ANK2: variants seen among roughly 807,000 people sequenced by gnomAD.
The protein encoded by ANK2 is ankyrin 2.
In ANK2, 83 loss-of-function variants were observed where a neutral mutation model predicts 360.5. That is an observed-to-expected ratio of 0.23 (90% CI 0.19 to 0.28). The LOEUF (loss-of-function observed/expected upper bound fraction) is 0.28, where lower values mean the gene tolerates loss of function less well. Among genes scored for constraint, ANK2 ranks in the 10% least tolerant of loss-of-function variants. The pLI is 1.00. For missense variants in ANK2, 4,201 were observed against 4,795.7 expected, an observed-to-expected ratio of 0.88 and a Z score of 3.66; for synonymous variants, 1,740 against 1,759.5, an observed-to-expected ratio of 0.99 and a Z score of 0.28.
chr4:113,098,339 C>A (rs2092063592), intron 1 of ANK2, among the ~76,000 whole-genome samples: 1 of 151,774 alleles, frequency 6.6e-6, no homozygotes, highest in Non-Finnish European at 1.5e-5. Flanking sequence ...AGAAAGAAAA[C>A]ACAAATTCCT....
chr4:113,098,311 A>G (rs2092054498), intron 1 of ANK2, among the ~76,000 whole-genome samples: 1 of 152,030 alleles, frequency 6.6e-6, no homozygotes, highest in Non-Finnish European at 1.5e-5. Context: ...AATTTTAGTC[A>G]AACTAACAAA....
At position 113,293,384 on chromosome 4, in the gene ANK2, T is replaced by C; in HGVS notation, c.2377-56T>C. The C allele has an allele frequency of 4.0e-6, 6 of 1,492,728 alleles. No individual in the cohort carries two copies. In the South Asian group the frequency reaches 7.0e-5, roughly 17 times the overall value. The allele number at this position is 1,492,728 out of a possible 1,614,324, so 92.5% of individuals were successfully genotyped here. On this transcript the variant is annotated intron_variant, in intron 21 of 45. Coordinates refer to ENST00000357077, the MANE Select transcript of ANK2 (RefSeq NM_001148.6). ...CAGAGCAGCGGGTGAGCTCATTGGC[T>C]CACATCGCAGTCCTCTCTCTTATTT...
chr4:113,302,170 A>T (rs1056706582), intron 22 of ANK2, among the ~76,000 whole-genome samples: 2 of 152,210 alleles, frequency 1.3e-5, no homozygotes, highest in Non-Finnish European at 2.9e-5. Flanking sequence ...TACACTGTAC[A>T]TGAGGAATGA....
chr4:113,179,025 G>A (rs2153232885), intron 2 of ANK2, among the ~76,000 whole-genome samples: 1 of 152,162 alleles, frequency 6.6e-6, no homozygotes, highest in Middle Eastern at 3.4e-3. Flanking sequence ...TTCATAGGTG[G>A]TTACAGGATC....
chr4:112,993,853 C>G, intron 2 of ANK2, among the ~76,000 whole-genome samples: 1 of 152,002 alleles, frequency 6.6e-6, no homozygotes, highest in East Asian at 1.9e-4. Flanking sequence ...ATTACAGGCA[C>G]GCACCACCAT....
chr4:112,946,892 C>T (rs35253125), intron 2 of ANK2, among the ~76,000 whole-genome samples: 1 of 152,280 alleles, frequency 6.6e-6, no homozygotes, highest in African/African-American at 2.4e-5. Flanking sequence ...AATGCACTTC[C>T]TTAGGTGATT....
intron 2 of ANK2, among the ~76,000 whole-genome samples, chr4:112,977,618 G>A (rs2041875431): frequency 7.0e-6 from 1 of 143,648 alleles, no homozygotes; most frequent in Admixed American, 6.8e-5. Flanking sequence ...TGAACATGCA[G>A]GTTTGTTACA....
At chr4:112,895,341 G>A (rs959897759) in intron 1 of ANK2, among the ~76,000 whole-genome samples, 3 of 152,072 alleles carry the variant, frequency 2.0e-5, no homozygotes, top group Non-Finnish European at 2.9e-5. Context: ...CCTTTTAATC[G>A]TCCCTTTCAT....
upstream of ANK2, among the ~76,000 whole-genome samples, chr4:112,813,548 TTTA>T (rs1439088885): frequency 5.4e-5 from 8 of 147,746 alleles, 1 homozygote; most frequent in Admixed American, 2.0e-4. Context: ...TATTTATTTA[TTTA>T]TTGAGACAGG....
rs1351463545 is a variant in ANK2, at chr4:113,353,940, G to A, written c.5322G>A (p.Gln1774=). The A allele has an allele frequency of 1.2e-6, 2 of 1,614,062 alleles. No individual in the cohort carries two copies. Among genetic ancestry groups the A allele is most frequent in the Non-Finnish European group, 1.7e-6 (2 of 1,179,958 alleles). Residue 1774 remains glutamine (Q), a synonymous_variant, in exon 38 of 46, where the codon CAG becomes CAA. Coordinates refer to ENST00000357077, the MANE Select transcript of ANK2 (RefSeq NM_001148.6). ...GSIKDKVKAL[Q]KRVEDEQKGR... is the part of the protein sequence containing the mutation. ...TAAAGGACAAAGTAAAGGCCCTTCA[G>A]AAGCGAGTGGAAGATGAACAGAAAG... is the stretch of plus-strand genomic sequence containing the variant.
intron 4 of ANK2, among the ~76,000 whole-genome samples, chr4:113,202,005 C>T (rs927113856): frequency 4.6e-5 from 7 of 151,816 alleles, no homozygotes; most frequent in South Asian, 2.1e-4. Context: ...TCATATTGTG[C>T]GAAAGTTTTA....
At chr4:113,254,233 T>C (rs1186601387) in intron 10 of ANK2, among the ~76,000 whole-genome samples, 2 of 152,182 alleles carry the variant, frequency 1.3e-5, no homozygotes, top group East Asian at 3.8e-4. Context: ...TATACTTTAA[T>C]TCTTATTGTT....
chr4:113,162,649 A>G lies in ANK2; in HGVS notation c.85-11767A>G, dbSNP rs577064029. Among the ~76,000 whole-genome samples the G allele has an allele frequency of 2.0e-5, 3 of 150,452 alleles. No homozygotes were observed. In the South Asian group the frequency reaches 6.3e-4, roughly 32 times the overall value. ...TTGTAAAACAAACAAACAAACACCT[A>G]TTGCTTAGACTACTGCCTCTACATG... On this transcript the variant is annotated intron_variant, in intron 1 of 45. Transcript: ENST00000357077.
At chr4:112,738,683 C>T in the ANK2 span, 1 of 590,666 alleles carries the variant, frequency 1.7e-6, no homozygotes. Flanking sequence ...CGGCTGCCCT[C>T]AGACCCGTTG....
At chr4:113,275,225 T>C (rs990786187) in intron 15 of ANK2, among the ~76,000 whole-genome samples, 2 of 152,334 alleles carry the variant, frequency 1.3e-5, no homozygotes, top group Middle Eastern at 3.4e-3. Context: ...CTTCTTTAGT[T>C]GTTATTGACA....
chr4:113,092,320 T>C (rs1465513173), intron 1 of ANK2, among the ~76,000 whole-genome samples: 1 of 152,236 alleles, frequency 6.6e-6, no homozygotes, highest in East Asian at 1.9e-4. Flanking sequence ...CTTCAAGGAC[T>C]GAACCATATA....
chr4:112,887,930 C>T (rs2078878569), intron 1 of ANK2, among the ~76,000 whole-genome samples: 1 of 151,946 alleles, frequency 6.6e-6, no homozygotes, highest in Non-Finnish European at 1.5e-5. Context: ...TGGTATTTGG[C>T]CAAGTTTTGA....
At chr4:113,031,595 G>A (rs1257982533) in intron 2 of ANK2, 7 of 72,842 alleles carry the variant, frequency 9.6e-5, no homozygotes, top group African/African-American at 2.1e-4. Flanking sequence ...TGGTATTCTT[G>A]TTTGACTTGA....
chr4:113,111,672 A>G (rs2094315069), intron 1 of ANK2, among the ~76,000 whole-genome samples: 2 of 152,174 alleles, frequency 1.3e-5, no homozygotes, highest in African/African-American at 2.4e-5. Context: ...GACTATGAGG[A>G]TTTCTTATCC....
Sources: allele counts gnomAD v4.1 joint callset (sites outside exome capture counted in the v4.1 genomes callset), GRCh38; gene constraint gnomAD v4.1.1; transcripts MANE v1.5; gene names NCBI Gene and HGNC (gene_info 2026-07-23, HGNC 2026-07-21).